Variants in ZNF462 observed in about 807,000 individuals in gnomAD.
ZNF462 encodes the protein zinc finger protein 462.
Under a neutral mutation model 201.9 loss-of-function variants are expected in ZNF462, and 10 were observed. That is an observed-to-expected ratio of 0.05 (90% confidence interval 0.03 to 0.08). The LOEUF (loss-of-function observed/expected upper bound fraction) is 0.08, where lower values mean the gene tolerates loss of function less well. ZNF462 is among the 10% of genes least tolerant of loss of function. The pLI is 1.00. For missense variants in ZNF462, 2,523 were observed against 3,168.3 expected (o/e 0.80, Z 4.89); for synonymous variants, 1,227 against 1,193.3 (o/e 1.03, Z -0.58).
At chr9:106,864,078 C>CTG (rs1564062507) in intron 1 of ZNF462, among the ~76,000 whole-genome samples, 4 of 136,630 alleles carry the variant, frequency 2.9e-5, no homozygotes, top group Non-Finnish European at 4.8e-5. Context: ...CTCTCTCTCT[C>CTG]TCTCTCTCTC....
At chr9:106,936,147 C>A (rs1465870872) in intron 6 of ZNF462, among the ~76,000 whole-genome samples, 3 of 152,124 alleles carry the variant, frequency 2.0e-5, no homozygotes, top group Non-Finnish European at 2.9e-5. Context: ...TATTGTTGTT[C>A]CATCTCATTA....
chr9:106,959,507 A>G (rs1006453134), intron 7 of ZNF462, among the ~76,000 whole-genome samples: 20 of 152,084 alleles, frequency 1.3e-4, no homozygotes, highest in African/African-American at 4.8e-4. Flanking sequence ...GACTTCACAC[A>G]TTGGTCTTAT....
At chr9:106,921,274 A>G (rs1247417133) in intron 1 of ZNF462, among the ~76,000 whole-genome samples, 1 of 152,182 alleles carries the variant, frequency 6.6e-6, no homozygotes. Flanking sequence ...CAGCATATCA[A>G]TCATGGAATA....
rs563478818 is a variant in ZNF462 at position 106,925,447 on chromosome 9, C to T, written c.1535C>T (p.Ser512Leu). 6.2e-7 allele frequency: 1 copy of T among 1,614,188 alleles called. No homozygotes were observed. The highest frequency in any genetic ancestry group is 1.1e-5 in the South Asian group (1 of 91,080). The change falls in exon 3 of 13, where the codon TCA becomes TTA. Residue 512 changes from serine (S) to leucine (L), a missense_variant. Ser to Leu is a moderately radical substitution (Grantham distance 145). This residue lies in a region of ZNF462 where 383 missense variants were observed against 453.4 expected (regional missense o/e 0.84). Coordinates refer to ENST00000277225, the MANE Select transcript of ZNF462 (RefSeq NM_021224.6). The surrounding 1 kb of genome is among the most constrained non-coding windows in gnomAD (Gnocchi z 7.9). Reference sequence around the variant, plus strand: ...TCCCAGAGTGAAAGCATTTCTTCCTCACTGAATGAAGGTGTGGTGTCTTAT... The same window carrying T: ...TCCCAGAGTGAAAGCATTTCTTCCTTACTGAATGAAGGTGTGGTGTCTTAT... ...VNSQSESISS[S>L]LNEGVVSYES...
chr9:106,896,193 C>T (rs890505627), intron 1 of ZNF462, among the ~76,000 whole-genome samples: 2 of 152,162 alleles, frequency 1.3e-5, no homozygotes, highest in African/African-American at 4.8e-5. Flanking sequence ...TACCAGCCTT[C>T]TGTCCCCCTC....
intron 7 of ZNF462, among the ~76,000 whole-genome samples, chr9:106,958,735 C>G (rs1831691942): frequency 6.6e-6 from 1 of 152,046 alleles, no homozygotes; most frequent in African/African-American, 2.4e-5. Flanking sequence ...TCGTGGGTAG[C>G]AGGGAGAACC....
In ZNF462 at chr9:106,927,800, G is replaced by A. The variant is rs765249532; in HGVS notation, c.3888G>A (p.Thr1296=). 100 of 1,613,970 alleles carry A rather than the reference G, an allele frequency of 6.2e-5. No homozygotes were observed. The highest frequency in any genetic ancestry group is 1.6e-4 in the Middle Eastern group (1 of 6,084). The change falls in exon 3 of 13, where the codon ACG becomes ACA. Residue 1296 remains threonine, a synonymous_variant. Coordinates refer to ENST00000277225, the MANE Select transcript of ZNF462 (RefSeq NM_021224.6). The stretch of plus-strand genomic sequence containing the variant: ...ACCCCGCCCTGAAAGCCACAGTCAC[G>A]TCCATCATGCGATGGGCATTTCTAG... ...KDHPALKATV[T]SIMRWAFLDG... is the part of the protein sequence containing the mutation.
At chr9:106,983,687 G>A (rs962997247) in intron 9 of ZNF462, among the ~76,000 whole-genome samples, 7 of 152,178 alleles carry the variant, frequency 4.6e-5, no homozygotes, top group Non-Finnish European at 1.0e-4. Flanking sequence ...AAAAATGAGA[G>A]TAACTCCAGC....
chr9:106,906,230 C>CA (rs1829268700), intron 1 of ZNF462, among the ~76,000 whole-genome samples: 1 of 152,166 alleles, frequency 6.6e-6, no homozygotes, highest in Non-Finnish European at 1.5e-5. Flanking sequence ...CTGGGGCACT[C>CA]ACAGTATTTG....
At chr9:106,922,482 T>A (rs1830028675) in intron 1 of ZNF462, among the ~76,000 whole-genome samples, 1 of 152,182 alleles carries the variant, frequency 6.6e-6, no homozygotes, top group Admixed American at 6.5e-5. Context: ...GTGCTTCATG[T>A]TTGTAAAGGA....
rs1159900322 is a variant in ZNF462 at position 106,919,730 on chromosome 9, A to G, written c.-30-3624A>G. ...GTTTCATGTTAGGAGGACCAGTCAC[A>G]TTAGGTGCCAGTTATTTTAGAATGA... On this transcript the variant is annotated intron_variant, in intron 1 of 12. Transcript: ENST00000277225. This position sits in a 1 kb window ranked among gnomAD's most constrained non-coding sequence, Gnocchi z 4.5. Among the ~76,000 whole-genome samples, 2 of 152,206 alleles carry G rather than the reference A, an allele frequency of 1.3e-5. No individual in the cohort carries two copies. The highest frequency in any genetic ancestry group is 4.8e-5 in the African/African-American group (2 of 41,460).
At position 106,929,364 on chromosome 9, in the gene ZNF462, C is replaced by T. The variant is rs1830332579; in HGVS notation, c.5452C>T (p.Pro1818Ser). The change falls in exon 3 of 13, where the codon CCC becomes TCC. Residue 1818 changes from proline to serine, a missense_variant. Pro to Ser is a moderately conservative substitution (Grantham distance 74). This residue lies in a region of ZNF462 where 207 missense variants were observed against 231.6 expected (regional missense o/e 0.89). Transcript: ENST00000277225. The surrounding 1 kb of genome is among the most constrained non-coding windows in gnomAD (Gnocchi z 8.7). ...CGTCTATGCAGATGAGCATGAGAAG[C>T]CCACACTGATGGAAGAAGAGGAGAG... ...TAVYADEHEK[P>S]TLMEEEERGN... 6.2e-7 allele frequency: 1 copy of T among 1,613,968 alleles called. No homozygotes were observed. The highest frequency in any genetic ancestry group is 1.3e-5 in the African/African-American group (1 of 74,902).
At chr9:106,958,793 T>A (rs1008086827) in intron 7 of ZNF462, among the ~76,000 whole-genome samples, 1 of 152,098 alleles carries the variant, frequency 6.6e-6, no homozygotes, top group Non-Finnish European at 1.5e-5. Context: ...CAAGAAGTGC[T>A]ATCAAGAGAA....
chr9:106,898,852 C>G (rs1160797086), intron 1 of ZNF462, among the ~76,000 whole-genome samples: 4 of 152,122 alleles, frequency 2.6e-5, no homozygotes, highest in Non-Finnish European at 5.9e-5. Context: ...TTAGCAGAAT[C>G]AGAGTTACAA....
chr9:106,960,538 G>A (rs759028747), intron 7 of ZNF462, among the ~76,000 whole-genome samples: 21 of 152,088 alleles, frequency 1.4e-4, no homozygotes, highest in Non-Finnish European at 2.4e-4. Flanking sequence ...TAAACGAACA[G>A]CAGGAAACCT....
rs750018013 is a variant in ZNF462, at chr9:106,932,402, G to A, written c.6013-44G>A. The A allele has an allele frequency of 1.9e-6, 3 of 1,614,024 alleles. No individual in the cohort carries two copies. The highest frequency in any genetic ancestry group is 2.5e-6 in the Non-Finnish European group (3 of 1,179,946). Reference sequence around the variant, plus strand: ...TTGGAGGATGAAACCCGGCCGGGGGGATACCATTGCAGTCAATGTGACAGA... The same window carrying A: ...TTGGAGGATGAAACCCGGCCGGGGGAATACCATTGCAGTCAATGTGACAGA... On this transcript the variant is annotated intron_variant, in intron 4 of 12. Coordinates refer to ENST00000277225, the MANE Select transcript of ZNF462 (RefSeq NM_021224.6). This position sits in a 1 kb window ranked among gnomAD's most constrained non-coding sequence, Gnocchi z 6.8.
chr9:107,009,778 T>C lies in ZNF462; in HGVS notation c.7313+110T>C. ...AGTATGTACACCCCTCTGTGTCACA[T>C]TTCTGGGCCGTGGGAGGAGAGGCAA... On this transcript the variant is annotated intron_variant, in intron 12 of 12. Transcript: ENST00000277225. The surrounding 1 kb of genome is among the most constrained non-coding windows in gnomAD (Gnocchi z 6.1). The C allele has an allele frequency of 1.4e-6, 2 of 1,481,268 alleles. No homozygotes were observed. The highest frequency in any genetic ancestry group is 1.8e-6 in the Non-Finnish European group (2 of 1,100,868). 91.8% of individuals were successfully genotyped at this position (1,481,268 alleles called of 1,614,324 possible). A position where few individuals can be genotyped will look rare whatever the true frequency, so the allele number is the denominator to read the frequency against.
chr9:106,865,973 T>C lies in ZNF462; in HGVS notation c.-31+2618T>C, dbSNP rs575781616. On this transcript the variant is annotated intron_variant, in intron 1 of 12. Coordinates refer to ENST00000277225, the MANE Select transcript of ZNF462 (RefSeq NM_021224.6). The surrounding 1 kb of genome is among the most constrained non-coding windows in gnomAD (Gnocchi z 4.1). ...AAAGCCAACCATGAAGATGTTGCTT[T>C]TCCATTAGGTGAGGTAGCCATCTTG... is the stretch of plus-strand genomic sequence containing the variant. Among the ~76,000 whole-genome samples, 1 of 152,330 alleles carries C rather than the reference T, an allele frequency of 6.6e-6. No individual in the cohort carries two copies. The highest frequency in any genetic ancestry group is 6.5e-5 in the Admixed American group (1 of 15,308).
chr9:106,881,794 A>G (rs1828108504), intron 1 of ZNF462, among the ~76,000 whole-genome samples: 1 of 152,220 alleles, frequency 6.6e-6, no homozygotes, highest in Non-Finnish European at 1.5e-5. Context: ...GTGCTCCCCT[A>G]TGAAACATGA....
Sources: gnomAD v4.1 joint callset for allele counts (sites outside exome capture counted in the v4.1 genomes callset) on GRCh38, gnomAD v4.1.1 for gene constraint, gnomAD v4.1.1 regional missense constraint, Gnocchi (gnomAD v3.1) non-coding constraint, MANE v1.5 for transcripts, NCBI Gene and HGNC (gene_info 2026-07-23, HGNC 2026-07-21) for gene names.